CPQ: variants seen among roughly 807,000 people sequenced by gnomAD.
The protein encoded by CPQ is carboxypeptidase Q.
Under a neutral mutation model 45.7 loss-of-function variants are expected in CPQ, and 37 were observed. The ratio of observed to expected loss-of-function variants is 0.81; its 90% CI spans 0.62 to 1.07. CPQ has a LOEUF of 1.07. CPQ is among the 50% of genes least tolerant of loss of function. CPQ has a pLI of 0.00. For synonymous variants in CPQ, 186 were observed against 205.8 expected (o/e 0.90, Z 0.82); for missense variants, 537 against 572.9 (o/e 0.94, Z 0.64).
chr8:97,118,278 T>C (rs1270782630), intron 7 of CPQ, among the ~76,000 whole-genome samples: 3 of 152,204 alleles, frequency 2.0e-5, no homozygotes, highest in African/African-American at 7.2e-5. Context: ...TGAAAGGATC[T>C]AAGACCAGCC....
At chr8:96,894,118 A>C (rs905530816) in intron 4 of CPQ, among the ~76,000 whole-genome samples, 1 of 152,316 alleles carries the variant, frequency 6.6e-6, no homozygotes, top group Non-Finnish European at 1.5e-5. Context: ...TTCTTCTGCT[A>C]TTAACCAGTA....
At chr8:96,726,233 A>G (rs1375336245) in intron 1 of CPQ, among the ~76,000 whole-genome samples, 1 of 151,986 alleles carries the variant, frequency 6.6e-6, no homozygotes, top group Non-Finnish European at 1.5e-5. Context: ...AAAAGAAGAA[A>G]TTATAGAAAA....
intron 6 of CPQ, among the ~76,000 whole-genome samples, chr8:97,046,711 C>G (rs1203909880): frequency 2.0e-5 from 3 of 152,170 alleles, no homozygotes; most frequent in Admixed American, 6.5e-5. Context: ...AGGCAACTCT[C>G]CAGGTAGTAA....
intron 3 of CPQ, among the ~76,000 whole-genome samples, chr8:96,835,880 C>T (rs919181015): frequency 6.6e-6 from 1 of 152,118 alleles, no homozygotes; most frequent in African/African-American, 2.4e-5. Context: ...TAGGACTTGT[C>T]TTTTTCTTTG....
At chr8:97,084,620 C>A (rs1811009888) in intron 7 of CPQ, among the ~76,000 whole-genome samples, 2 of 152,196 alleles carry the variant, frequency 1.3e-5, no homozygotes, top group Non-Finnish European at 2.9e-5. Flanking sequence ...GAGGCACATA[C>A]AGTGCCATTC....
At chr8:96,798,229 A>G (rs1426403542) in intron 2 of CPQ, among the ~76,000 whole-genome samples, 1 of 151,918 alleles carries the variant, frequency 6.6e-6, no homozygotes, top group Non-Finnish European at 1.5e-5. Flanking sequence ...TCCCAGGCTC[A>G]AGCAGTCCTC....
chr8:97,030,374 T>C (rs1187268878), intron 6 of CPQ, among the ~76,000 whole-genome samples: 1 of 152,116 alleles, frequency 6.6e-6, no homozygotes, highest in Non-Finnish European at 1.5e-5. Context: ...TTTGACCTTT[T>C]TTTTTTTTCA....
At chr8:96,775,898 A>C (rs1810599169) in intron 1 of CPQ, among the ~76,000 whole-genome samples, 3 of 152,210 alleles carry the variant, frequency 2.0e-5, no homozygotes, top group Non-Finnish European at 4.4e-5. Context: ...ATTAAAAACA[A>C]CTGGCTTAGA....
intron 1 of CPQ, among the ~76,000 whole-genome samples, chr8:96,671,818 C>T (rs1809007772): frequency 6.6e-6 from 1 of 152,084 alleles, no homozygotes. Flanking sequence ...AGTTAATTTA[C>T]CTGTAGAATC....
At chr8:97,006,758 G>C (rs1809390940) in intron 5 of CPQ, among the ~76,000 whole-genome samples, 1 of 152,148 alleles carries the variant, frequency 6.6e-6, no homozygotes, top group South Asian at 2.1e-4. Flanking sequence ...GAGGACCCAG[G>C]TGCACCAGGA....
intron 3 of CPQ, among the ~76,000 whole-genome samples, chr8:96,857,004 G>A (rs1038761094): frequency 1.3e-5 from 2 of 152,178 alleles, no homozygotes; most frequent in Non-Finnish European, 2.9e-5. Flanking sequence ...TTATCTATGT[G>A]ATGTGACCTG....
intron 7 of CPQ, among the ~76,000 whole-genome samples, chr8:97,131,631 G>A (rs1250715648): frequency 6.6e-6 from 1 of 152,154 alleles, no homozygotes. Flanking sequence ...GAGGCATTTT[G>A]TGGAGGGCTG....
intron 1 of CPQ, among the ~76,000 whole-genome samples, chr8:96,655,165 C>T (rs901155779): frequency 6.6e-6 from 1 of 151,860 alleles, no homozygotes; most frequent in Non-Finnish European, 1.5e-5. Context: ...TACTTTCTGG[C>T]CATTTTTCTC....
At chr8:97,008,692 AT>A (rs1490877280) in intron 5 of CPQ, among the ~76,000 whole-genome samples, 1 of 152,196 alleles carries the variant, frequency 6.6e-6, no homozygotes, top group Non-Finnish European at 1.5e-5. Context: ...ATATGTGACC[AT>A]AAGTGAGTTG....
At chr8:97,003,818 G>A (rs181205967) in intron 5 of CPQ, among the ~76,000 whole-genome samples, 63 of 152,206 alleles carry the variant, frequency 4.1e-4, no homozygotes, top group South Asian at 1.5e-3. Flanking sequence ...GTCAGAGCAC[G>A]TACTTTGAAC....
chr8:97,069,738 T>C (rs1390255923), intron 7 of CPQ, among the ~76,000 whole-genome samples: 1 of 152,032 alleles, frequency 6.6e-6, no homozygotes, highest in African/African-American at 2.4e-5. Context: ...TTTTTCTTTC[T>C]TTTTTTCTTT....
At chr8:96,925,052 G>A (rs1264705768) in intron 4 of CPQ, among the ~76,000 whole-genome samples, 1 of 151,992 alleles carries the variant, frequency 6.6e-6, no homozygotes, top group Non-Finnish European at 1.5e-5. Flanking sequence ...AATCCACTTG[G>A]GATTTATACC....
Position 96,928,300 on chromosome 8 carries a change from G to C in CPQ, c.850-37635G>C, listed in dbSNP as rs537281867. Among the ~76,000 whole-genome samples the C allele has an allele frequency of 3.3e-5, 5 of 151,700 alleles. No homozygotes were observed. The South Asian group carries it at 1.0e-3, about 32-fold the overall frequency. On this transcript the variant is annotated intron_variant, in intron 4 of 7. Coordinates refer to ENST00000220763, the MANE Select transcript of CPQ (RefSeq NM_016134.4). ...ATTAAATTAAATGGAGTTAACATTG[G>C]CATGGTAGCATAAATCAAACGTCAG... is the stretch of plus-strand genomic sequence containing the variant.
intron 4 of CPQ, 115 bp downstream of exon 4, chr8:96,880,120 G>A (rs28452385): frequency 0.48 from 404,933 of 850,360 alleles, 97,424 homozygotes; most frequent in African/African-American, 0.62. Context: ...TCATAGATTC[G>A]TTGAAGGCAG....
Sources: gnomAD v4.1 joint callset for allele counts (sites outside exome capture counted in the v4.1 genomes callset) on GRCh38, gnomAD v4.1.1 for gene constraint, MANE v1.5 for transcripts, NCBI Gene and HGNC (gene_info 2026-07-23, HGNC 2026-07-21) for gene names.